The following RBM5 variants were observed in gnomAD, a reference collection of about 807,000 sequenced individuals.
RBM5 encodes RNA-binding protein 5.
Under a neutral mutation model 124.6 loss-of-function variants are expected in RBM5, and 15 were observed. The ratio of observed to expected loss-of-function variants is 0.12; its 90% CI spans 0.08 to 0.19. The LOEUF (loss-of-function observed/expected upper bound fraction) is 0.19, where lower values mean the gene tolerates loss of function less well. Ranked by LOEUF, RBM5 falls within the 10% of genes least tolerant of loss-of-function variation. The pLI, the probability that RBM5 is intolerant of heterozygous loss-of-function variation, is 1.00. For synonymous variants in RBM5, 337 were observed against 361.2 expected, an observed-to-expected ratio of 0.93 and a Z score of 0.76; for missense variants, 580 against 1,026.5, an observed-to-expected ratio of 0.57 and a Z score of 5.94.
Position 50,100,337 on chromosome 3 carries a change from A to G in RBM5, c.410-195A>G. 1.8e-6 allele frequency: 1 copy of G among 561,320 alleles called. No homozygotes were observed. 34.8% of individuals were successfully genotyped at this position (561,320 alleles called of 1,614,324 possible). On this transcript the variant is annotated intron_variant, in intron 5 of 24. Transcript: ENST00000347869. This position sits in a 1 kb window ranked among gnomAD's most constrained non-coding sequence, Gnocchi z 5.1. The stretch of plus-strand genomic sequence containing the variant: ...TTACTTTAAGCGTGGAATCAAATGG[A>G]GTGGCATTTAGTTCAGGCGGCTTGT...
intron 4 of RBM5, 85 bp from the exon 5 acceptor site, chr3:50,099,897 A>G: frequency 7.9e-7 from 1 of 1,266,104 alleles, no homozygotes; most frequent in Non-Finnish European, 1.1e-6. Context: ...AACTTGGCTA[A>G]TTAAACAGTT....
intron 11 of RBM5, 56 bp from the exon 12 acceptor site, chr3:50,107,426 C>A: frequency 1.5e-6 from 2 of 1,344,698 alleles, no homozygotes; most frequent in Non-Finnish European, 2.1e-6. Flanking sequence ...GGTATAGGGG[C>A]ACTAATTGTG....
intron 15 of RBM5, 59 bp from the exon 16 acceptor site, chr3:50,110,320 T>C: frequency 6.9e-7 from 1 of 1,458,286 alleles, no homozygotes; most frequent in Non-Finnish European, 9.5e-7. Context: ...ATTGCAGTGA[T>C]TTAGCTCTCT....
chr3:50,102,851 T>C, intron 6 of RBM5: 1 of 503,474 alleles, frequency 2.0e-6, no homozygotes, highest in South Asian at 2.3e-5. Flanking sequence ...GCGTTTAGTG[T>C]TTGACAGCTT....
chr3:50,118,640 G>A lies in RBM5; in HGVS notation c.*184G>A, dbSNP rs2091302563. 1 of 926,280 alleles carries A rather than the reference G, an allele frequency of 1.1e-6. No individual in the cohort carries two copies. The highest frequency in any genetic ancestry group is 1.6e-6 in the Non-Finnish European group (1 of 630,066). The allele number at this position is 926,280 out of a possible 1,614,324, so 57.4% of individuals were successfully genotyped here. On this transcript the variant is annotated 3_prime_UTR_variant, in exon 25 of 25. Coordinates refer to ENST00000347869, the MANE Select transcript of RBM5 (RefSeq NM_005778.4). ...GTTCCCCTTATGTGGGTTGCCTGGT[G>A]AATGGCCTTCCTTCCCGCCAGAGGG... is the stretch of plus-strand genomic sequence containing the variant.
chr3:50,093,984 G>A, intron 4 of RBM5, 109 bp downstream of exon 4: 1 of 1,247,592 alleles, frequency 8.0e-7, no homozygotes, highest in Non-Finnish European at 1.1e-6. Context: ...TAGAGGTTGA[G>A]TATCCCTTAT....
chr3:50,113,528 G>C lies in RBM5; in HGVS notation c.1601G>C (p.Ser534Thr). The C allele has an allele frequency of 6.2e-7, 1 of 1,613,816 alleles. No individual in the cohort carries two copies. The highest frequency in any genetic ancestry group is 8.5e-7 in the Non-Finnish European group (1 of 1,179,906). The change falls in exon 18 of 25, where the codon AGC becomes ACC. Residue 534 changes from serine to threonine, a missense_variant. By Grantham distance (58) the Ser-to-Thr change is moderately conservative. Around this residue, in one of 6 missense-constraint regions of RBM5, gnomAD observed 234 missense variants for 435.1 expected, o/e 0.54. Transcript: ENST00000347869. ...EGKEKKEKPK[S>T]KTAQQIAKDM... ...AAAGAGAAGAAGGAGAAACCCAAGA[G>C]CAAAACAGCCCAGCAGGTTAGAACA...
At position 50,118,393 on chromosome 3, in the gene RBM5, C is replaced by T. The variant is rs139773311; in HGVS notation, c.2385C>T (p.Gly795=). 43 of 1,613,944 alleles carry T rather than the reference C, an allele frequency of 2.7e-5. No individual in the cohort carries two copies. Among genetic ancestry groups the T allele is most frequent in the Middle Eastern group, 3.3e-4 (2 of 6,084 alleles). The part of the protein sequence containing the change: ...GAKGSAYGLS[G]ADSYKDAVRK... Reference sequence around the variant, plus strand: ...AAGGCAGCGCATATGGTTTGTCGGGCGCCGATTCCTACAAAGATGCTGTCC... The same window carrying T: ...AAGGCAGCGCATATGGTTTGTCGGGTGCCGATTCCTACAAAGATGCTGTCC... Residue 795 remains glycine (G), a synonymous_variant, in exon 25 of 25, where the codon GGC becomes GGT. Coordinates refer to ENST00000347869, the MANE Select transcript of RBM5 (RefSeq NM_005778.4).
At chr3:50,110,306 G>T in intron 15 of RBM5, 73 bp from the exon 16 acceptor site, 2 of 1,319,502 alleles carry the variant, frequency 1.5e-6, no homozygotes, top group Non-Finnish European at 2.2e-6. Context: ...CTTCCTCCTG[G>T]ATGATTGCAG....
chr3:50,118,454 T>A lies in RBM5; in HGVS notation c.2446T>A (p.Ter816ArgextTer27). 1 of 1,575,832 alleles carries A rather than the reference T, an allele frequency of 6.3e-7. No homozygotes were observed. The highest frequency in any genetic ancestry group is 8.7e-7 in the Non-Finnish European group (1 of 1,152,846). Residue 816 changes from the stop codon to arginine (R), a stop_lost, in exon 25 of 25, where the codon TGA (stop) becomes AGA (arginine). Transcript: ENST00000347869. ...AMFARFTEME[*>R] ...GTTTGCCCGGTTCACTGAGATGGAGTGAGAGAGAGAGAGAGAGAGAGATGA... is the reference window on the plus strand; with the variant it reads ...GTTTGCCCGGTTCACTGAGATGGAGAGAGAGAGAGAGAGAGAGAGAGATGA...
chr3:50,113,669 A>G, intron 18 of RBM5, 125 bp downstream of exon 18: 1 of 1,148,038 alleles, frequency 8.7e-7, no homozygotes, highest in South Asian at 1.7e-5. Context: ...TATTCATACT[A>G]AGTTCTTAGA....
At chr3:50,103,368 T>C (rs1012384636) in intron 7 of RBM5, among the ~76,000 whole-genome samples, 36 of 152,314 alleles carry the variant, frequency 2.4e-4, no homozygotes, top group Non-Finnish European at 1.5e-5. Context: ...CACGTTCTGC[T>C]GGGCATGGTG....
chr3:50,110,536 C>G, intron 16 of RBM5, 73 bp downstream of exon 16: 1 of 1,508,850 alleles, frequency 6.6e-7, no homozygotes, highest in Non-Finnish European at 9.2e-7. Flanking sequence ...GAGAGTTCTT[C>G]TCCCTTTGCG....
rs2091015116 is a variant in RBM5 at position 50,105,728 on chromosome 3, C to A, written c.855+19C>A. The A allele has an allele frequency of 4.3e-6, 7 of 1,610,276 alleles. No individual in the cohort carries two copies. The highest frequency in any genetic ancestry group is 5.1e-6 in the Non-Finnish European group (6 of 1,178,042). ...TGCAATGGTGAGGTTCTCATCGATT[C>A]TTTCCTTTTTAAAAGAAACAGCTTT... On this transcript the variant is annotated intron_variant, in intron 10 of 24. Coordinates refer to ENST00000347869, the MANE Select transcript of RBM5 (RefSeq NM_005778.4).
At chr3:50,106,946 C>G in intron 11 of RBM5, 82 bp downstream of exon 11, 1 of 1,188,348 alleles carries the variant, frequency 8.4e-7, no homozygotes, top group Non-Finnish European at 1.3e-6. Flanking sequence ...AAGCCTGTGC[C>G]CCAAGTATGT....
At chr3:50,092,943 CTTTTTTTTTTT>C (rs530934301) in intron 3 of RBM5, 101 of 79,142 alleles carry the variant, frequency 1.3e-3, no homozygotes, top group South Asian at 2.9e-3. Context: ...CTTGATATAT[CTTTTTTTTTTT>C]TTTTTTTTTT....
Position 50,118,438 on chromosome 3 carries a change from G to T in RBM5, c.2430G>T (p.Arg810=). ...KDAVRKAMFA[R]FTEME ...CTGTCCGGAAAGCCATGTTTGCCCG[G>T]TTCACTGAGATGGAGTGAGAGAGAG... The change falls in exon 25 of 25, where the codon CGG becomes CGT. Residue 810 remains arginine, a synonymous_variant. Transcript: ENST00000347869. 21 of 1,613,848 alleles carry T rather than the reference G, an allele frequency of 1.3e-5. No homozygotes were observed. The highest frequency in any genetic ancestry group is 1.8e-5 in the Non-Finnish European group (21 of 1,179,994).
chr3:50,110,174 G>T (rs2091116931), intron 15 of RBM5, among the ~76,000 whole-genome samples: 1 of 152,224 alleles, frequency 6.6e-6, no homozygotes, highest in Admixed American at 6.5e-5. Flanking sequence ...TTGCGCCACT[G>T]CAGTCCAGTT....
intron 24 of RBM5, 140 bp from the exon 25 acceptor site, chr3:50,118,191 T>C: frequency 8.3e-7 from 1 of 1,204,172 alleles, no homozygotes; most frequent in South Asian, 1.6e-5. Context: ...TGGTCTCTTC[T>C]GGAGAAATCC....
Sources: allele counts gnomAD v4.1 joint callset (sites outside exome capture counted in the v4.1 genomes callset), GRCh38; gene constraint gnomAD v4.1.1; regional missense constraint gnomAD v4.1.1; non-coding constraint Gnocchi (gnomAD v3.1); transcripts MANE v1.5; gene names NCBI Gene and HGNC (gene_info 2026-07-23, HGNC 2026-07-21).